Variants in ADGRB1 observed in about 807,000 individuals in gnomAD.
The protein encoded by ADGRB1 is brain-specific angiogenesis inhibitor 1.
Under a neutral mutation model 175.7 loss-of-function variants are expected in ADGRB1, and 36 were observed. The ratio of observed to expected loss-of-function variants is 0.20; its 90% CI spans 0.16 to 0.27. The LOEUF (loss-of-function observed/expected upper bound fraction) is 0.27. Among genes scored for constraint, ADGRB1 ranks in the 10% least tolerant of loss-of-function variants. ADGRB1 has a pLI of 1.00. For synonymous variants in ADGRB1, 1,054 were observed against 979.4 expected (o/e 1.08, Z -1.42); for missense variants, 1,731 against 2,255.3 (o/e 0.77, Z 4.71).
rs922648370 is a variant in ADGRB1, at chr8:142,455,240, C to T, written c.-220+5136C>T. 2.6e-5 allele frequency among the ~76,000 whole-genome samples: 4 copies of T among 152,028 alleles called. No homozygotes were observed. The highest frequency in any genetic ancestry group is 5.9e-5 in the Non-Finnish European group (4 of 68,004). On this transcript the variant is annotated intron_variant, in intron 1 of 30. Transcript: ENST00000517894. This position sits in a 1 kb window ranked among gnomAD's most constrained non-coding sequence, Gnocchi z 4.9. ...CCAAAGCCAACAAACACCTTCCCCCCATCACTCCCACTCGCCTCAGCAGCA... is the reference window on the plus strand; with the variant it reads ...CCAAAGCCAACAAACACCTTCCCCCTATCACTCCCACTCGCCTCAGCAGCA...
In ADGRB1 at chr8:142,459,627, G is replaced by C. The variant is rs1261150442; in HGVS notation, c.-219-4353G>C. 2.0e-5 allele frequency among the ~76,000 whole-genome samples: 3 copies of C among 152,220 alleles called. No individual in the cohort carries two copies. The East Asian group carries it at 5.8e-4, about 29-fold the overall frequency. The stretch of plus-strand genomic sequence containing the variant: ...CACAGCCACGTGGCCTTGTACAAAT[G>C]TGCCGCATGTGTGTGTTCATGCTCA... On this transcript the variant is annotated intron_variant, in intron 1 of 30. Transcript: ENST00000517894.
chr8:142,474,891 G>A lies in ADGRB1; in HGVS notation c.785-583G>A, dbSNP rs1840866122. Reference sequence around the variant, plus strand: ...CAGGCTCCGTCAGGCTGTGCCCTGGGTTCGAGGCCCTGGTTGGACACCAGG... The same window carrying A: ...CAGGCTCCGTCAGGCTGTGCCCTGGATTCGAGGCCCTGGTTGGACACCAGG... On this transcript the variant is annotated intron_variant, in intron 2 of 30. Transcript: ENST00000517894. The surrounding 1 kb of genome is among the most constrained non-coding windows in gnomAD (Gnocchi z 5.8). Among the ~76,000 whole-genome samples the A allele has an allele frequency of 6.6e-6, 1 of 152,138 alleles. No individual in the cohort carries two copies. The highest frequency in any genetic ancestry group is 1.5e-5 in the Non-Finnish European group (1 of 68,006).
At chr8:142,469,221 CTG>C (rs370700737) in intron 2 of ADGRB1, among the ~76,000 whole-genome samples, 64 of 142,950 alleles carry the variant, frequency 4.5e-4, no homozygotes, top group African/African-American at 1.4e-3. Context: ...GTGTGCATAT[CTG>C]TGAATGTGAA....
chr8:142,522,204 C>A, intron 21 of ADGRB1, 89 bp downstream of exon 21: 1 of 1,514,690 alleles, frequency 6.6e-7, no homozygotes, highest in South Asian at 1.3e-5. Flanking sequence ...TCTCCCCATC[C>A]CCTGTGGACC....
At chr8:142,453,842 C>G (rs1404526162) in intron 1 of ADGRB1, among the ~76,000 whole-genome samples, 1 of 152,178 alleles carries the variant, frequency 6.6e-6, no homozygotes, top group Non-Finnish European at 1.5e-5. Flanking sequence ...CAGGAGGTGT[C>G]CCACGGAAGG....
In ADGRB1 at chr8:142,510,911, C is replaced by T. The variant is rs1843065819; in HGVS notation, c.2676-21C>T. 1 of 1,084,336 alleles carries T rather than the reference C, an allele frequency of 9.2e-7. No individual in the cohort carries two copies. The highest frequency in any genetic ancestry group is 1.1e-6 in the Non-Finnish European group (1 of 889,362). The allele number at this position is 1,084,336 out of a possible 1,614,324, so 67.2% of individuals were successfully genotyped here. ...CGCTGACGCTCCGCCTGTCTCCCTC[C>T]CGTGTCCCGCCCGCCCCCAGACCCT... On this transcript the variant is annotated intron_variant, in intron 17 of 30. Transcript: ENST00000517894. This position sits in a 1 kb window ranked among gnomAD's most constrained non-coding sequence, Gnocchi z 6.3.
At chr8:142,462,448 A>G (rs1252048910) in intron 1 of ADGRB1, among the ~76,000 whole-genome samples, 1 of 152,252 alleles carries the variant, frequency 6.6e-6, no homozygotes, top group East Asian at 1.9e-4. Flanking sequence ...GCCACTGTGC[A>G]GTCAGGAGCA....
At chr8:142,520,214 G>A (rs1843706494) in intron 19 of ADGRB1, among the ~76,000 whole-genome samples, 1 of 151,148 alleles carries the variant, frequency 6.6e-6, no homozygotes, top group Admixed American at 6.6e-5. Flanking sequence ...TTATGGTGAT[G>A]GTGGTGGTGG....
intron 24 of ADGRB1, among the ~76,000 whole-genome samples, chr8:142,526,932 G>A (rs1015427385): frequency 3.1e-4 from 47 of 152,284 alleles, no homozygotes; most frequent in African/African-American, 8.9e-4. Flanking sequence ...TGGCAGCAGG[G>A]TGCCCCCAAG....
rs1291580051 is a variant in ADGRB1 at position 142,511,175 on chromosome 8, CG to C, written c.2817+104del. On this transcript the variant is annotated intron_variant, in intron 18 of 30. Transcript: ENST00000517894. This position sits in a 1 kb window ranked among gnomAD's most constrained non-coding sequence, Gnocchi z 4.5. ...GGGAGGGCCCGCACCCGTCCTGTCC[CG>C]GAGGGGTCGCTGTGGCCCGCAGCCG... The C allele has an allele frequency of 5.4e-6, 5 of 928,632 alleles. No individual in the cohort carries two copies. Among genetic ancestry groups the C allele is most frequent in the Non-Finnish European group, 6.5e-6 (5 of 771,446 alleles). The allele number at this position is 928,632 out of a possible 1,614,324, so 57.5% of individuals were successfully genotyped here.
chr8:142,521,986 G>A lies in ADGRB1; in HGVS notation c.3046G>A (p.Ala1016Thr), dbSNP rs867981626. The change falls in exon 21 of 31, where the codon GCC (alanine) becomes ACC (threonine). Residue 1016 changes from alanine (A) to threonine (T), a missense_variant. By Grantham distance (58) the Ala-to-Thr change is moderately conservative (BLOSUM62 0). Around this residue, in one of 8 missense-constraint regions of ADGRB1, gnomAD observed 301 missense variants for 488.4 expected, o/e 0.62. Coordinates refer to ENST00000517894, the MANE Select transcript of ADGRB1 (RefSeq NM_001702.3). ...RNKVVCTLVA[A>T]FLHFFFLSSF... is the part of the protein sequence containing the mutation. Reference sequence around the variant, plus strand: ...ACAGGTGGTGTGCACGCTGGTGGCCGCCTTCCTGCACTTCTTCTTCCTGTC... The same window carrying A: ...ACAGGTGGTGTGCACGCTGGTGGCCACCTTCCTGCACTTCTTCTTCCTGTC... 3.1e-6 allele frequency: 5 copies of A among 1,601,830 alleles called. No individual in the cohort carries two copies. The highest frequency in any genetic ancestry group is 1.3e-5 in the African/African-American group (1 of 74,834).
intron 17 of ADGRB1, among the ~76,000 whole-genome samples, chr8:142,508,247 C>T (rs907370601): frequency 1.3e-5 from 2 of 152,144 alleles, no homozygotes; most frequent in African/African-American, 2.4e-5. Context: ...CAGGGCTTAG[C>T]GGCTCTGTGC....
chr8:142,514,252 G>A (rs1587384769), intron 18 of ADGRB1, among the ~76,000 whole-genome samples: 4 of 152,034 alleles, frequency 2.6e-5, no homozygotes. Flanking sequence ...TGGGCACCCC[G>A]GGAGCCAGGG....
intron 17 of ADGRB1, among the ~76,000 whole-genome samples, chr8:142,494,158 A>G (rs1371317300): frequency 1.3e-5 from 2 of 152,136 alleles, no homozygotes; most frequent in Non-Finnish European, 2.9e-5. Flanking sequence ...AGCTGTAATC[A>G]TTATTCAGAA....
intron 1 of ADGRB1, among the ~76,000 whole-genome samples, chr8:142,456,231 G>A (rs1023241289): frequency 2.0e-5 from 3 of 151,990 alleles, no homozygotes; most frequent in Non-Finnish European, 4.4e-5. Flanking sequence ...ACCACAGCGC[G>A]CCCACATGCA....
intron 24 of ADGRB1, among the ~76,000 whole-genome samples, chr8:142,527,688 A>G (rs1844293181): frequency 6.6e-6 from 1 of 152,150 alleles, no homozygotes; most frequent in Admixed American, 6.5e-5. Flanking sequence ...GACAGTGGTC[A>G]CACTCAGAAG....
chr8:142,505,175 C>T (rs1023569887), intron 17 of ADGRB1, among the ~76,000 whole-genome samples: 2 of 152,132 alleles, frequency 1.3e-5, no homozygotes, highest in Non-Finnish European at 2.9e-5. Context: ...TGGACAGGTG[C>T]GGGGTGAGGA....
chr8:142,453,314 G>A (rs930776663), intron 1 of ADGRB1, among the ~76,000 whole-genome samples: 2 of 152,378 alleles, frequency 1.3e-5, no homozygotes, highest in African/African-American at 4.8e-5. Context: ...CGGATGGCAG[G>A]ATTTAGTCAA....
chr8:142,521,618 G>A (rs962119648), intron 20 of ADGRB1, among the ~76,000 whole-genome samples: 2 of 152,246 alleles, frequency 1.3e-5, no homozygotes, highest in Non-Finnish European at 2.9e-5. Flanking sequence ...TGTGTCCTTG[G>A]GGCGTGACGT....
Sources: gnomAD v4.1 joint callset for allele counts (sites outside exome capture counted in the v4.1 genomes callset) on GRCh38, gnomAD v4.1.1 for gene constraint, gnomAD v4.1.1 regional missense constraint, Gnocchi (gnomAD v3.1) non-coding constraint, MANE v1.5 for transcripts, NCBI Gene and HGNC (gene_info 2026-07-23, HGNC 2026-07-21) for gene names.